Variants in IDH3G observed in about 807,000 individuals in gnomAD.
IDH3G encodes isocitrate dehydrogenase (NAD(+)) 3 non-catalytic subunit gamma, also known as isocitrate dehydrogenase [NAD] subunit gamma, mitochondrial.
IDH3G carries 9 observed loss-of-function variants against 26.9 expected under a neutral mutation model. The ratio of observed to expected loss-of-function variants is 0.34; its 90% CI spans 0.20 to 0.58. IDH3G has a LOEUF of 0.58. IDH3G is among the 20% of genes least tolerant of loss of function. The pLI, the probability that IDH3G is intolerant of heterozygous loss-of-function variation, is 0.85. For missense variants in IDH3G, 250 were observed against 372.8 expected (o/e 0.67, Z 2.71); for synonymous variants, 181 against 160.0 (o/e 1.13, Z -0.99).
At chrX:153,790,325 G>A (rs782173961) in intron 3 of IDH3G, 33 bp from the exon 4 acceptor site, 42 of 1,118,580 alleles carry the variant, frequency 3.8e-5, no homozygotes, top group African/African-American at 1.6e-4. Flanking sequence ...GTGGGCCTTC[G>A]GGGATCCCAC....
rs140528786 is a variant in IDH3G at position 153,790,796 on chromosome X, G to A, written c.123+14C>T. ...TGGAGAAAGACACATGCGTGGGCAC[G>A]GGCAGGTACTTACTGAAAAGATGTT... On this transcript the variant is annotated intron_variant, in intron 2 of 12. Transcript: ENST00000217901. The A allele has an allele frequency of 5.5e-4, 662 of 1,207,605 alleles. 3 individuals are homozygous for A. In the African/African-American group the frequency reaches 9.9e-3, roughly 18 times the overall value.
intron 1 of IDH3G, 104 bp from the exon 2 acceptor site, chrX:153,790,955 CTG>C: frequency 1.4e-6 from 1 of 730,934 alleles, no homozygotes; most frequent in South Asian, 2.2e-5. Flanking sequence ...GGTCCCCTGT[CTG>C]TGCAGCATGG....
At position 153,788,090 on chromosome X, in the gene IDH3G, C is replaced by T. The variant is rs370866394; in HGVS notation, c.392G>A (p.Arg131Gln). 8 of 1,210,799 alleles carry T rather than the reference C, an allele frequency of 6.6e-6. No homozygotes were observed. The highest frequency in any genetic ancestry group is 3.5e-5 in the South Asian group (2 of 56,893). Residue 131 changes from arginine (R) to glutamine (Q), a missense_variant, in exon 6 of 13, where the codon CGA (arginine) becomes CAA (glutamine). Around this residue, in one of 2 missense-constraint regions of IDH3G, gnomAD observed 201 missense variants for 331.3 expected, o/e 0.61. Coordinates refer to ENST00000217901, the MANE Select transcript of IDH3G (RefSeq NM_004135.4). Reference sequence around the variant, plus strand: ...CGGATCTCACCGAAGGATGTTGTTTCGAGATTTGTGCGACGGTGGCAGGTT... The same window carrying T: ...CGGATCTCACCGAAGGATGTTGTTTTGAGATTTGTGCGACGGTGGCAGGTT... The part of the protein sequence containing the change: ...NHNLPPSHKS[R>Q]NNILRTSLDL...
intron 1 of IDH3G, among the ~76,000 whole-genome samples, chrX:153,793,104 G>A (rs1425565158): frequency 1.8e-5 from 2 of 110,944 alleles, no homozygotes; most frequent in Admixed American, 9.6e-5. Flanking sequence ...TCAGGGCAAG[G>A]CACTGCCCAG....
At chrX:153,791,500 T>C (rs2092109614) in intron 1 of IDH3G, among the ~76,000 whole-genome samples, 1 of 112,676 alleles carries the variant, frequency 8.9e-6, no homozygotes, top group South Asian at 3.6e-4. Context: ...CGGAAAGGAC[T>C]GCTGGATGCC....
At chrX:153,787,220 T>C in intron 8 of IDH3G, 67 bp from the exon 9 acceptor site, 2 of 897,034 alleles carry the variant, frequency 2.2e-6, no homozygotes, top group South Asian at 4.3e-5. Context: ...GGACGGGGCG[T>C]GCAGAGGGCC....
At chrX:153,791,323 G>A (rs782751489) in intron 1 of IDH3G, 3 of 121,300 alleles carry the variant, frequency 2.5e-5, no homozygotes, top group Non-Finnish European at 3.4e-5. Context: ...AGAAAAAGCA[G>A]AATAGGGAGA....
rs782308471 is a variant in IDH3G, at chrX:153,787,502, C to T, written c.636G>A (p.Gly212=). 9.1e-6 allele frequency: 11 copies of T among 1,210,441 alleles called. No homozygotes were observed. The Middle Eastern group carries it at 6.9e-4, about 75-fold the overall frequency. The change falls in exon 8 of 13, where the codon GGG becomes GGA. Residue 212 remains glycine (G), a synonymous_variant. Transcript: ENST00000217901. ...EYAFKLAQES[G]RKKVTAVHKA... is the part of the protein sequence containing the mutation. ...TGTGCACGGCCGTCACTTTCTTGCGCCCGCTCTCCTGCGCCAGCTTGAAGG... is the reference window on the plus strand; with the variant it reads ...TGTGCACGGCCGTCACTTTCTTGCGTCCGCTCTCCTGCGCCAGCTTGAAGG...
intron 5 of IDH3G, chrX:153,789,025 G>A (rs781966820): frequency 1.4e-4 from 46 of 322,948 alleles, no homozygotes; most frequent in African/African-American, 1.1e-3. Flanking sequence ...GACCCCAGCA[G>A]AGAGGACTGT....
Position 153,787,048 on chromosome X carries a change from T to C in IDH3G, c.777+3A>G, listed in dbSNP as rs1557069354. ...AGGGGGACAGCACTGGGCAGGCTAA[T>C]ACCTGCATGGTGGTGTTATCCACAA... On this transcript the variant is annotated splice_donor_region_variant and intron_variant, in intron 9 of 12. Coordinates refer to ENST00000217901, the MANE Select transcript of IDH3G (RefSeq NM_004135.4). 8.3e-7 allele frequency: 1 copy of C among 1,200,342 alleles called. No individual in the cohort carries two copies. The highest frequency in any genetic ancestry group is 2.2e-5 in the Admixed American group (1 of 46,038).
chrX:153,786,021 C>G, intron 12 of IDH3G, 48 bp from the exon 13 acceptor site: 1 of 1,210,422 alleles, frequency 8.3e-7, no homozygotes. Context: ...TGCCACCCCC[C>G]GCTGTCTCCT....
chrX:153,786,623 C>T (rs949881639), intron 10 of IDH3G, among the ~76,000 whole-genome samples, 174 bp from the exon 11 acceptor site: 5 of 112,295 alleles, frequency 4.5e-5, no homozygotes, highest in Admixed American at 3.7e-4. Flanking sequence ...AGGCTTTCCT[C>T]GTGGGGTGGT....
chrX:153,789,278 G>T, intron 5 of IDH3G: 1 of 321,156 alleles, frequency 3.1e-6, no homozygotes, highest in Non-Finnish European at 6.3e-6. Context: ...GGGCACGACG[G>T]CTCACGCCTG....
chrX:153,787,416 C>A, intron 8 of IDH3G, 48 bp downstream of exon 8: 1 of 1,181,186 alleles, frequency 8.5e-7, no homozygotes, highest in Non-Finnish European at 1.1e-6. Flanking sequence ...CCCAAGCAGG[C>A]CACTGCAGCT....
Position 153,787,158 on chromosome X carries a change from T to C in IDH3G, c.675-5A>G. On this transcript the variant is annotated splice_polypyrimidine_tract_variant and splice_region_variant and intron_variant, in intron 8 of 12. Transcript: ENST00000217901. ...AAAAGCCCATCGCCCAGTTTCCTGG[T>C]GGGGGGTTAGGAATAGGACACCAGC... 1 of 1,191,156 alleles carries C rather than the reference T, an allele frequency of 8.4e-7. No homozygotes were observed. The highest frequency in any genetic ancestry group is 1.1e-6 in the Non-Finnish European group (1 of 877,987).
chrX:153,786,022 G>A (rs201442932), intron 12 of IDH3G, 49 bp from the exon 13 acceptor site: 17 of 1,208,660 alleles, frequency 1.4e-5, no homozygotes, highest in Middle Eastern at 4.6e-4. Flanking sequence ...GCCACCCCCC[G>A]CTGTCTCCTG....
intron 2 of IDH3G, 90 bp downstream of exon 2, chrX:153,790,720 C>T (rs956258867): frequency 1.4e-4 from 158 of 1,095,397 alleles, no homozygotes; most frequent in Non-Finnish European, 1.9e-4. Context: ...GAGACCACGT[C>T]TCAGAGGACA....
intron 5 of IDH3G, among the ~76,000 whole-genome samples, chrX:153,788,510 T>TA (rs781865122): frequency 8.9e-6 from 1 of 112,753 alleles, no homozygotes; most frequent in East Asian, 2.8e-4. Context: ...TTGGCGGTGT[T>TA]ACTGCCAAGC....
At chrX:153,790,920 G>A (rs782716195) in intron 1 of IDH3G, 69 bp from the exon 2 acceptor site, 60 of 1,027,226 alleles carry the variant, frequency 5.8e-5, no homozygotes, top group Non-Finnish European at 7.8e-5. Flanking sequence ...AAGGAAAAAC[G>A]GACCGTCCCC....
Sources: allele counts gnomAD v4.1 joint callset (sites outside exome capture counted in the v4.1 genomes callset), GRCh38; gene constraint gnomAD v4.1.1; regional missense constraint gnomAD v4.1.1; transcripts MANE v1.5; gene names NCBI Gene and HGNC (gene_info 2026-07-23, HGNC 2026-07-21).